Variants in CEBPZ observed in about 807,000 individuals in gnomAD.
CEBPZ encodes CCAAT enhancer binding protein zeta, also known as CCAAT/enhancer-binding protein zeta.
In CEBPZ, 78 loss-of-function variants were observed where a neutral mutation model predicts 104.5. That is an observed-to-expected ratio of 0.75 (90% CI 0.62 to 0.90). CEBPZ has a LOEUF of 0.90. Ranked by LOEUF, CEBPZ falls within the 40% of genes least tolerant of loss-of-function variation. The pLI, the probability that CEBPZ is intolerant of heterozygous loss-of-function variation, is 0.00. For missense variants in CEBPZ, 1,439 were observed against 1,233.5 expected (o/e 1.17, Z -2.50); for synonymous variants, 470 against 427.0 (o/e 1.10, Z -1.24).
chr2:37,220,817 C>T (rs1450988864), intron 4 of CEBPZ, among the ~76,000 whole-genome samples: 1 of 151,696 alleles, frequency 6.6e-6, no homozygotes, highest in Non-Finnish European at 1.5e-5. Context: ...ATGGTGAAAC[C>T]CCATCTCTTA....
At chr2:37,223,445 C>G (rs551232870) in intron 2 of CEBPZ, 44 bp from the exon 3 acceptor site, 1 of 1,515,834 alleles carries the variant, frequency 6.6e-7, no homozygotes, top group Admixed American at 1.7e-5. Flanking sequence ...ATAAAACCAT[C>G]TCCACAACCA....
Position 37,228,766 on chromosome 2 carries a change from T to G in CEBPZ, c.427A>C (p.Asn143His). Residue 143 changes from asparagine (N) to histidine (H), a missense_variant, in exon 2 of 16, where the codon AAT becomes CAT. By Grantham distance (68) the Asn-to-His change is moderately conservative. Transcript: ENST00000234170. ...TCATCAGAATGTGGTTCTGGCCTAT[T>G]CTTATTTTTCACCTTATTAACTGAT... The part of the protein sequence containing the change: ...RTSVNKVKNK[N>H]RPEPHSDENG... The G allele has an allele frequency of 6.2e-7, 1 of 1,614,098 alleles. No individual in the cohort carries two copies. The highest frequency in any genetic ancestry group is 8.5e-7 in the Non-Finnish European group (1 of 1,179,996).
chr2:37,229,107 C>T, intron 1 of CEBPZ, 71 bp from the exon 2 acceptor site: 1 of 1,251,686 alleles, frequency 8.0e-7, no homozygotes, highest in Non-Finnish European at 1.1e-6. Context: ...ATAGGAAACA[C>T]AACATAATTT....
chr2:37,205,885 GAA>G (rs142225590), intron 13 of CEBPZ, among the ~76,000 whole-genome samples: 3,522 of 152,292 alleles, frequency 0.023, 65 homozygotes, highest in Middle Eastern at 0.054. Flanking sequence ...TTAGCAGAAA[GAA>G]GAGTTCGTAT....
intron 5 of CEBPZ, among the ~76,000 whole-genome samples, chr2:37,218,683 C>CT (rs1324340786): frequency 3.9e-5 from 6 of 152,102 alleles, no homozygotes; most frequent in Non-Finnish European, 7.4e-5. Context: ...GTAGGTGGAT[C>CT]ACCTGAAGTC....
chr2:37,218,969 TCACATTGTTAGAA>T (rs1474599592), intron 5 of CEBPZ, among the ~76,000 whole-genome samples: 1 of 152,196 alleles, frequency 6.6e-6, no homozygotes, highest in Non-Finnish European at 1.5e-5. Context: ...ACCACAACAA[TCACATTGTTAGAA>T]CCACTGATTT....
chr2:37,211,215 C>A, intron 12 of CEBPZ, 133 bp from the exon 13 acceptor site: 2 of 543,228 alleles, frequency 3.7e-6, no homozygotes, highest in Non-Finnish European at 3.2e-6. Flanking sequence ...TTTTGTAATT[C>A]CACTAGCATA....
chr2:37,228,147 A>G lies in CEBPZ; in HGVS notation c.1046T>C (p.Val349Ala). The G allele has an allele frequency of 6.2e-7, 1 of 1,614,170 alleles. No individual in the cohort carries two copies. ...TGTATCATGACTTAAAGTTTCTAAG[A>G]CCTGCACAAATTCAGCCACTAAGTG... The part of the protein sequence containing the change: ...LKHLVAEFVQ[V>A]LETLSHDTLV... The change falls in exon 2 of 16, where the codon GTC (valine) becomes GCC (alanine). Residue 349 changes from valine to alanine, a missense_variant. Val to Ala is a moderately conservative substitution (Grantham distance 64). Transcript: ENST00000234170.
intron 5 of CEBPZ, among the ~76,000 whole-genome samples, chr2:37,217,699 G>C (rs553748106): frequency 2.7e-5 from 4 of 150,810 alleles, no homozygotes; most frequent in African/African-American, 9.7e-5. Context: ...TCAGGAGATC[G>C]AGACCATCCT....
chr2:37,227,094 A>T (rs1486517168), intron 2 of CEBPZ, among the ~76,000 whole-genome samples: 1 of 152,242 alleles, frequency 6.6e-6, no homozygotes, highest in Non-Finnish European at 1.5e-5. Context: ...AGGCACTCAG[A>T]AAATACTTGT....
Position 37,226,623 on chromosome 2 carries a change from C to T in CEBPZ, c.1649+921G>A, listed in dbSNP as rs536585652. Reference sequence around the variant, plus strand: ...CTACCAATAGGTTTTTAGTGGGGATCAAGTAATTTGCCCAAAATTACACAG... The same window carrying T: ...CTACCAATAGGTTTTTAGTGGGGATTAAGTAATTTGCCCAAAATTACACAG... On this transcript the variant is annotated intron_variant, in intron 2 of 15. Transcript: ENST00000234170. Among the ~76,000 whole-genome samples, 71 of 152,252 alleles carry T rather than the reference C, an allele frequency of 4.7e-4. No individual in the cohort carries two copies. In the South Asian group the frequency reaches 0.014, roughly 31 times the overall value.
intron 5 of CEBPZ, among the ~76,000 whole-genome samples, 159 bp downstream of exon 5, chr2:37,220,226 A>G (rs1374164585): frequency 6.6e-6 from 1 of 151,790 alleles, no homozygotes; most frequent in East Asian, 1.9e-4. Flanking sequence ...CTGAGCCAGG[A>G]GAATGGCTTG....
chr2:37,221,641 CTAA>C (rs1226378681), intron 4 of CEBPZ, among the ~76,000 whole-genome samples: 8 of 152,238 alleles, frequency 5.3e-5, no homozygotes, highest in Admixed American at 5.2e-4. Context: ...CTTCATCCTT[CTAA>C]AGGATTATTC....
intron 4 of CEBPZ, among the ~76,000 whole-genome samples, chr2:37,222,172 T>A (rs1664784662): frequency 1.3e-5 from 2 of 152,090 alleles, no homozygotes; most frequent in African/African-American, 4.8e-5. Flanking sequence ...TAATCCCAGC[T>A]ACTTGGGAGG....
In CEBPZ at chr2:37,202,881, G is replaced by A. The variant is rs374136179; in HGVS notation, c.2944-16C>T. 21 of 1,593,260 alleles carry A rather than the reference G, an allele frequency of 1.3e-5. No homozygotes were observed. The highest frequency in any genetic ancestry group is 1.2e-4 in the Admixed American group (7 of 57,314). ...GATGGCCAAACTTTTAAACAAAAAC[G>A]ATAAATTTATTAGAAAACTAAAAAT... On this transcript the variant is annotated splice_polypyrimidine_tract_variant and intron_variant, in intron 14 of 15. Coordinates refer to ENST00000234170, the MANE Select transcript of CEBPZ (RefSeq NM_005760.3).
chr2:37,203,273 AC>A lies in CEBPZ; in HGVS notation c.2885-266del, dbSNP rs538561269. 4.3e-3 allele frequency: 1,107 copies of A among 256,428 alleles called. 4 individuals carry two copies. Among genetic ancestry groups the A allele is most frequent in the Non-Finnish European group, 5.8e-3 (793 of 136,670 alleles). The allele number at this position is 256,428 out of a possible 1,614,324, so 15.9% of individuals were successfully genotyped here. A position where few individuals can be genotyped will look rare whatever the true frequency, so the allele number is the denominator to read the frequency against. On this transcript the variant is annotated intron_variant, in intron 13 of 15. Coordinates refer to ENST00000234170, the MANE Select transcript of CEBPZ (RefSeq NM_005760.3). ...AGATTTGGCCACTGATCGAAGTTTTACCCATAAGGGAAATAACATAGTATCA... is the reference window on the plus strand; with the variant it reads ...AGATTTGGCCACTGATCGAAGTTTTACCATAAGGGAAATAACATAGTATCA...
chr2:37,206,876 CACCA>C (rs1370140987), intron 13 of CEBPZ, among the ~76,000 whole-genome samples: 4 of 152,090 alleles, frequency 2.6e-5, no homozygotes, highest in African/African-American at 7.2e-5. Context: ...ACATTTGGAC[CACCA>C]ACCAAGAATC....
At position 37,213,903 on chromosome 2, in the gene CEBPZ, T is replaced by C. The variant is rs140175848; in HGVS notation, c.2506A>G (p.Ile836Val). The change falls in exon 10 of 16, where the codon ATA (isoleucine) becomes GTA (valine). Residue 836 changes from isoleucine to valine, a missense_variant. By Grantham distance (29) the Ile-to-Val change is conservative (BLOSUM62 3). Transcript: ENST00000234170. Reference sequence around the variant, plus strand: ...AATTCTTCATCATCCACGTCTTCTATACTTTCTTCATCTGCATCCCGTTTT... The same window carrying C: ...AATTCTTCATCATCCACGTCTTCTACACTTTCTTCATCTGCATCCCGTTTT... ...KQKRDADEES[I>V]EDVDDEEFEE... 27 of 1,603,380 alleles carry C rather than the reference T, an allele frequency of 1.7e-5. No homozygotes were observed. The highest frequency in any genetic ancestry group is 2.2e-5 in the Non-Finnish European group (26 of 1,176,560).
intron 5 of CEBPZ, among the ~76,000 whole-genome samples, chr2:37,218,099 C>G (rs1239447220): frequency 1.3e-5 from 2 of 151,248 alleles, no homozygotes; most frequent in East Asian, 3.9e-4. Flanking sequence ...AACCCCGTCT[C>G]TACTAAAAAT....
Sources: gnomAD v4.1 joint callset for allele counts (sites outside exome capture counted in the v4.1 genomes callset) on GRCh38, gnomAD v4.1.1 for gene constraint, MANE v1.5 for transcripts, NCBI Gene and HGNC (gene_info 2026-07-23, HGNC 2026-07-21) for gene names.